The following CCNH variants were observed in gnomAD, a reference collection of about 807,000 sequenced individuals.
CCNH encodes the protein cyclin H, also known as cyclin-H.
Under a neutral mutation model 41.9 loss-of-function variants are expected in CCNH, and 31 were observed. That is an observed-to-expected ratio of 0.74 (90% CI 0.56 to 1.00). CCNH has a LOEUF of 1.00. Among genes scored for constraint, CCNH ranks in the 50% least tolerant of loss-of-function variants. The probability of loss-of-function intolerance (pLI) is 0.00; values close to 1 mark genes in which losing one functional copy is unlikely to be tolerated. For missense variants in CCNH, 362 were observed against 388.4 expected (o/e 0.93, Z 0.57); for synonymous variants, 138 against 136.1 (o/e 1.01, Z -0.10).
downstream of CCNH, among the ~76,000 whole-genome samples, chr5:87,373,417 C>T (rs956208253): frequency 1.5e-4 from 23 of 152,038 alleles, no homozygotes; most frequent in African/African-American, 5.6e-4. Flanking sequence ...TCTTGGGCTT[C>T]GTTAGCTGCC....
upstream of CCNH, among the ~76,000 whole-genome samples, chr5:87,380,755 TTA>T (rs1491302137): frequency 1.2e-3 from 178 of 152,334 alleles, 1 homozygote; most frequent in Admixed American, 3.0e-3. Context: ...AAACTGAAAG[TTA>T]CTGTGAGATT....
At chr5:87,329,916 T>C (rs1580276322) in intron 9 of CCNH, among the ~76,000 whole-genome samples, 1 of 152,214 alleles carries the variant, frequency 6.6e-6, no homozygotes, top group East Asian at 1.9e-4. Context: ...GTGTAAACTT[T>C]CCATTTCAGA....
At chr5:87,313,243 G>A in the CCNH span, among the ~76,000 whole-genome samples, 16 of 152,164 alleles carry the variant, frequency 1.1e-4, no homozygotes. Flanking sequence ...GGCACAGGTG[G>A]TCTTTAGCTA....
At chr5:87,412,503 G>T in intron 1 of CCNH, 175 bp downstream of exon 1, 3 of 1,428,118 alleles carry the variant, frequency 2.1e-6, no homozygotes, top group Non-Finnish European at 2.7e-6. Flanking sequence ...GGCGTTGTTC[G>T]TCTTTGTACC....
At chr5:87,338,533 A>ATATATATATATATATATATATAT (rs1491365794) in intron 9 of CCNH, among the ~76,000 whole-genome samples, 14 of 91,290 alleles carry the variant, frequency 1.5e-4, no homozygotes, top group East Asian at 4.3e-4. Context: ...ATATATATAT[A>ATATATATATATATATATATATAT]AAATTTTTTT....
intron 9 of CCNH, among the ~76,000 whole-genome samples, chr5:87,352,873 G>A (rs1330088895): frequency 1.3e-5 from 2 of 151,742 alleles, no homozygotes; most frequent in Non-Finnish European, 2.9e-5. Flanking sequence ...CCTCATTTAT[G>A]GTGACTCTTT....
intron 9 of CCNH, chr5:87,331,010 C>T (rs1485776766): frequency 2.2e-6 from 3 of 1,380,568 alleles, no homozygotes; most frequent in Non-Finnish European, 2.9e-6. Context: ...TTCCATTTGT[C>T]TATCTTTTAT....
At chr5:87,322,917 T>C (rs1424359074) in intron 9 of CCNH, among the ~76,000 whole-genome samples, 1 of 152,116 alleles carries the variant, frequency 6.6e-6, no homozygotes, top group East Asian at 1.9e-4. Flanking sequence ...GGAAGAGAAG[T>C]GTGAGAGTGT....
At chr5:87,331,040 G>C in intron 9 of CCNH, 1 of 1,271,570 alleles carries the variant, frequency 7.9e-7, no homozygotes, top group Admixed American at 3.0e-5. Flanking sequence ...TAAAGATCTG[G>C]TTGCAGTAGT....
chr5:87,346,765 G>A, intron 9 of CCNH: 1 of 1,422,658 alleles, frequency 7.0e-7, no homozygotes, highest in South Asian at 1.2e-5. Flanking sequence ...TCTATTTAAA[G>A]AGAATAAAAA....
chr5:87,333,628 A>G (rs1177607554), intron 9 of CCNH, among the ~76,000 whole-genome samples: 3 of 152,146 alleles, frequency 2.0e-5, no homozygotes, highest in African/African-American at 7.2e-5. Flanking sequence ...TGCTATGTAA[A>G]TTTTTGTTAC....
chr5:87,335,419 G>GTTTTTTTT (rs34986349), intron 9 of CCNH, among the ~76,000 whole-genome samples: 12 of 72,924 alleles, frequency 1.6e-4, no homozygotes, highest in African/African-American at 2.8e-4. Flanking sequence ...AAAGAATGAG[G>GTTTTTTTT]TTTTTTTTTT....
At position 87,401,706 on chromosome 5, in the gene CCNH, C is replaced by CATT; in HGVS notation, c.753_755dup (p.Ile251dup). ...AAAGTGTTCTCTTTTACTTACTTTT[C>CATT]ATTATATCTAGTAACTGTGACAGGC... On this transcript the variant is annotated inframe_insertion, in exon 6 of 9. Transcript: ENST00000256897. 6.4e-7 allele frequency: 1 copy of CATT among 1,574,054 alleles called. No homozygotes were observed. Among genetic ancestry groups the CATT allele is most frequent in the East Asian group, 2.3e-5 (1 of 44,104 alleles).
intron 9 of CCNH, among the ~76,000 whole-genome samples, chr5:87,383,508 A>T (rs1430690372): frequency 6.6e-6 from 1 of 152,118 alleles, no homozygotes; most frequent in Non-Finnish European, 1.5e-5. Flanking sequence ...ACATTCAAGA[A>T]GCAGATATAT....
At chr5:87,398,387 T>C (rs1443572856) in intron 7 of CCNH, among the ~76,000 whole-genome samples, 1 of 152,160 alleles carries the variant, frequency 6.6e-6, no homozygotes, top group Non-Finnish European at 1.5e-5. Flanking sequence ...CAAATACATC[T>C]TAAATATAAG....
chr5:87,333,239 T>G (rs1757725279), intron 9 of CCNH: 23 of 1,609,504 alleles, frequency 1.4e-5, no homozygotes, highest in Non-Finnish European at 1.8e-5. Context: ...ACTATCTTTT[T>G]AAATCTTTTT....
At position 87,412,857 on chromosome 5, in the gene CCNH, G is replaced by A; in HGVS notation, c.-63C>T. On this transcript the variant is annotated 5_prime_UTR_variant, in exon 1 of 9. Transcript: ENST00000256897. ...AGAACCCAAACGCATCAGCGTCCTG[G>A]CGTAAAACACCCGTACCCCCACCGA... The A allele has an allele frequency of 6.3e-7, 1 of 1,586,332 alleles. No individual in the cohort carries two copies. Among genetic ancestry groups the A allele is most frequent in the Non-Finnish European group, 8.6e-7 (1 of 1,160,820 alleles).
chr5:87,330,910 TG>T, intron 9 of CCNH: 1 of 1,352,650 alleles, frequency 7.4e-7, no homozygotes, highest in Non-Finnish European at 9.6e-7. Context: ...AACACTAAAA[TG>T]GAATAAAACA....
chr5:87,410,001 GT>G (rs1223099245), intron 2 of CCNH, among the ~76,000 whole-genome samples: 1 of 152,136 alleles, frequency 6.6e-6, no homozygotes, highest in African/African-American at 2.4e-5. Flanking sequence ...AGGAAACTGA[GT>G]ATCAATGAGG....
Sources: gnomAD v4.1 joint callset for allele counts (sites outside exome capture counted in the v4.1 genomes callset) on GRCh38, gnomAD v4.1.1 for gene constraint, MANE v1.5 for transcripts, NCBI Gene and HGNC (gene_info 2026-07-23, HGNC 2026-07-21) for gene names.